The following PTPRD variants were observed in gnomAD, a reference collection of about 807,000 sequenced individuals.
PTPRD encodes protein tyrosine phosphatase receptor type D.
A neutral mutation model predicts 214.5 loss-of-function variants in PTPRD; 34 were observed. The observed-to-expected ratio is 0.16, with a 90% confidence interval of 0.12 to 0.21. The LOEUF is 0.21. Ranked by LOEUF, PTPRD falls within the 10% of genes least tolerant of loss-of-function variation. PTPRD has a pLI of 1.00. For missense variants in PTPRD, 2,545 were observed against 2,398.7 expected, an observed-to-expected ratio of 1.06 and a Z score of -1.27; for synonymous variants, 1,128 against 845.7, an observed-to-expected ratio of 1.33 and a Z score of -5.79.
chr9:10,368,335 A>T (rs866660268), intron 2 of PTPRD, among the ~76,000 whole-genome samples: 5 of 152,172 alleles, frequency 3.3e-5, no homozygotes, highest in Middle Eastern at 3.2e-3. Flanking sequence ...AAGATATCTA[A>T]TGAAAGACTT....
intron 11 of PTPRD, among the ~76,000 whole-genome samples, chr9:8,808,458 C>T (rs2096731840): frequency 6.9e-6 from 1 of 143,980 alleles, no homozygotes. Context: ...TAAAAGCCCC[C>T]CACCTTTTTT....
intron 11 of PTPRD, among the ~76,000 whole-genome samples, chr9:8,973,388 C>T (rs1192950888): frequency 6.6e-6 from 1 of 152,068 alleles, no homozygotes; most frequent in East Asian, 1.9e-4. Flanking sequence ...CTGCAAAGGA[C>T]ATGATTTCAT....
intron 3 of PTPRD, among the ~76,000 whole-genome samples, chr9:10,186,626 A>G (rs1036922900): frequency 6.6e-6 from 1 of 152,172 alleles, no homozygotes; most frequent in African/African-American, 2.4e-5. Context: ...ATAACATAGT[A>G]GAAAAAAATA....
chr9:9,047,896 A>G (rs2099676122), intron 10 of PTPRD, among the ~76,000 whole-genome samples: 1 of 152,168 alleles, frequency 6.6e-6, no homozygotes, highest in African/African-American at 2.4e-5. Flanking sequence ...ACCTCAGGTT[A>G]AAAACCATTC....
At chr9:10,273,470 A>G (rs958609608) in intron 3 of PTPRD, among the ~76,000 whole-genome samples, 1 of 152,156 alleles carries the variant, frequency 6.6e-6, no homozygotes, top group Admixed American at 6.5e-5. Context: ...AAATTTAAAG[A>G]AAGAAAAAAG....
At chr9:9,942,464 C>A (rs899540337) in intron 4 of PTPRD, among the ~76,000 whole-genome samples, 7 of 152,064 alleles carry the variant, frequency 4.6e-5, no homozygotes, top group African/African-American at 1.7e-4. Context: ...ACTATTTATG[C>A]ATCAATTTGT....
intron 3 of PTPRD, among the ~76,000 whole-genome samples, chr9:10,199,517 T>C (rs1464734140): frequency 1.3e-5 from 2 of 152,046 alleles, no homozygotes; most frequent in Admixed American, 1.3e-4. Flanking sequence ...AGACCAGGAA[T>C]TAGAAACAGT....
Position 8,485,214 on chromosome 9 carries a change from G to A in PTPRD, c.3153+13C>T. The A allele has an allele frequency of 6.2e-7, 1 of 1,607,144 alleles. No homozygotes were observed. Among genetic ancestry groups the A allele is most frequent in the Non-Finnish European group, 8.5e-7 (1 of 1,174,262 alleles). ...TTTATCTGTGATTTCTTACAAATTA[G>A]AAAACAACTTACTTTGAAAGGCATG... On this transcript the variant is annotated intron_variant, in intron 29 of 45. Coordinates refer to ENST00000381196, the MANE Select transcript of PTPRD (RefSeq NM_002839.4).
At chr9:10,500,673 C>T (rs1442557292) in intron 2 of PTPRD, among the ~76,000 whole-genome samples, 1 of 151,758 alleles carries the variant, frequency 6.6e-6, no homozygotes, top group Admixed American at 6.6e-5. Flanking sequence ...ACCCATTAGC[C>T]ATTCCAACTT....
chr9:10,373,162 T>TAAA (rs2097663892), intron 2 of PTPRD, among the ~76,000 whole-genome samples: 11 of 133,800 alleles, frequency 8.2e-5, no homozygotes, highest in African/African-American at 2.8e-4. Context: ...AAAAAAAAAT[T>TAAA]GATGAAGTTT....
Position 10,091,324 on chromosome 9 carries a change from T to A in PTPRD, c.-544-57534A>T, listed in dbSNP as rs1270861015. Among the ~76,000 whole-genome samples the A allele has an allele frequency of 1.3e-5, 2 of 151,620 alleles. 1 individual carries two copies. Among genetic ancestry groups the A allele is most frequent in the Admixed American group, 1.3e-4 (2 of 15,188 alleles). The stretch of plus-strand genomic sequence containing the variant: ...AGGAGAATTATTTGAAAATGTATCA[T>A]TGAGAAGAGTTAATTATTTTTGTTA... On this transcript the variant is annotated intron_variant, in intron 3 of 45. Transcript: ENST00000381196.
intron 14 of PTPRD, among the ~76,000 whole-genome samples, chr9:8,553,379 C>A (rs766090127): frequency 3.9e-5 from 6 of 152,136 alleles, no homozygotes; most frequent in Non-Finnish European, 8.8e-5. Context: ...GGGCCTGAGT[C>A]CCCTGGCGTG....
rs571874187 is a variant in PTPRD, at chr9:9,469,704, G to C, written c.-236-72222C>G. On this transcript the variant is annotated intron_variant, in intron 8 of 45. Coordinates refer to ENST00000381196, the MANE Select transcript of PTPRD (RefSeq NM_002839.4). The stretch of plus-strand genomic sequence containing the variant: ...TGGTGCTTTCTAACAGTTCAAGGTG[G>C]GTATGTTTCTTCTTGAAGTTTTTAA... Among the ~76,000 whole-genome samples, 10 of 152,140 alleles carry C rather than the reference G, an allele frequency of 6.6e-5. No individual in the cohort carries two copies. The East Asian group carries it at 1.7e-3, about 26-fold the overall frequency.
rs116444260 is a variant in PTPRD, at chr9:9,955,232, G to A, written c.-471-16622C>T. ...AGCATGAAATTGATAAAGAACAAAT[G>A]AATAATGCATGAATGAGTGAACGAG... On this transcript the variant is annotated intron_variant, in intron 4 of 45. Coordinates refer to ENST00000381196, the MANE Select transcript of PTPRD (RefSeq NM_002839.4). 1.0e-3 allele frequency among the ~76,000 whole-genome samples: 152 copies of A among 152,260 alleles called. 2 individuals carry two copies. Among genetic ancestry groups the A allele is most frequent in the African/African-American group, 3.5e-3 (146 of 41,568 alleles).
At chr9:9,309,155 T>C (rs777225011) in intron 9 of PTPRD, among the ~76,000 whole-genome samples, 2 of 152,056 alleles carry the variant, frequency 1.3e-5, no homozygotes, top group Non-Finnish European at 2.9e-5. Flanking sequence ...ATGAAGTTCA[T>C]GTTGTCTAAG....
At chr9:9,151,883 C>A (rs917669126) in intron 10 of PTPRD, among the ~76,000 whole-genome samples, 4 of 152,156 alleles carry the variant, frequency 2.6e-5, no homozygotes, top group African/African-American at 4.8e-5. Context: ...CGTTAAGAAC[C>A]AGGAGGGTCT....
At chr9:10,046,927 C>G (rs1212884271) in intron 3 of PTPRD, among the ~76,000 whole-genome samples, 1 of 151,956 alleles carries the variant, frequency 6.6e-6, no homozygotes, top group Non-Finnish European at 1.5e-5. Flanking sequence ...ACAACAATTA[C>G]AGACATCCAA....
At chr9:8,599,932 G>A (rs1313355375) in intron 14 of PTPRD, among the ~76,000 whole-genome samples, 2 of 152,030 alleles carry the variant, frequency 1.3e-5, no homozygotes, top group East Asian at 3.9e-4. Flanking sequence ...CCTCCCCTTT[G>A]GTAGAAACCA....
intron 11 of PTPRD, among the ~76,000 whole-genome samples, chr9:8,743,448 A>G (rs1248926590): frequency 6.6e-6 from 1 of 152,182 alleles, no homozygotes; most frequent in African/African-American, 2.4e-5. Flanking sequence ...CAGTCTCAGG[A>G]AAGAAATACT....
Sources: gnomAD v4.1 joint callset for allele counts (sites outside exome capture counted in the v4.1 genomes callset) on GRCh38, gnomAD v4.1.1 for gene constraint, MANE v1.5 for transcripts, NCBI Gene and HGNC (gene_info 2026-07-23, HGNC 2026-07-21) for gene names.